The following PFKFB3 variants were observed in gnomAD, a reference collection of about 807,000 sequenced individuals.
PFKFB3 encodes 6-phosphofructo-2-kinase/fructose-2,6-bisphosphatase 3.
PFKFB3 carries 33 observed loss-of-function variants against 68.0 expected under a neutral mutation model. The ratio of observed to expected loss-of-function variants is 0.49; its 90% CI spans 0.37 to 0.65. PFKFB3 has a LOEUF of 0.65. Ranked by LOEUF, PFKFB3 falls within the 30% of genes least tolerant of loss-of-function variation. PFKFB3 has a pLI of 0.00. For synonymous variants in PFKFB3, 315 were observed against 288.2 expected (o/e 1.09, Z -0.94); for missense variants, 586 against 712.2 (o/e 0.82, Z 2.02).
At chr10:6,276,844 G>GTGTGTGTA in the PFKFB3 span, among the ~76,000 whole-genome samples, 9,165 of 146,238 alleles carry the variant, frequency 0.063, 385 homozygotes, top group Non-Finnish European at 0.094. Flanking sequence ...GTATTTGTGT[G>GTGTGTGTA]TGTGTGTGTG....
At chr10:6,252,558 A>G (rs1846405041) in intron 14 of PFKFB3, among the ~76,000 whole-genome samples, 1 of 152,236 alleles carries the variant, frequency 6.6e-6, no homozygotes, top group Non-Finnish European at 1.5e-5. Flanking sequence ...GAAGAATGAG[A>G]TATATATAAT....
chr10:6,165,421 T>C (rs2131727207), intron 1 of PFKFB3, among the ~76,000 whole-genome samples: 1 of 152,202 alleles, frequency 6.6e-6, no homozygotes, highest in East Asian at 1.9e-4. Context: ...CTTTTCTGCA[T>C]AGACACAGTA....
rs747732386 is a variant in PFKFB3, at chr10:6,246,714, C to T, written c.1516-7464C>T. Among the ~76,000 whole-genome samples, 17 of 152,188 alleles carry T rather than the reference C, an allele frequency of 1.1e-4. No individual in the cohort carries two copies. In the East Asian group the frequency reaches 1.9e-3, roughly 17 times the overall value. ...GGAGGGGAGATGTGCAGGTTTGTTA[C>T]GTGGGTATATTGCATGATGCTGAAG... On this transcript the variant is annotated intron_variant, in intron 14 of 14. Coordinates refer to the PFKFB3 transcript ENST00000640683.
At chr10:6,183,170 G>T (rs146496951) in intron 1 of PFKFB3, among the ~76,000 whole-genome samples, 6 of 152,306 alleles carry the variant, frequency 3.9e-5, no homozygotes, top group Non-Finnish European at 8.8e-5. Context: ...TCTTTCAGAA[G>T]ATCACCCAGT....
chr10:6,189,053 A>C (rs1842956790), intron 1 of PFKFB3, among the ~76,000 whole-genome samples: 1 of 152,046 alleles, frequency 6.6e-6, no homozygotes, highest in South Asian at 2.1e-4. Context: ...GTTAGCCAGG[A>C]TGGTCTCGAT....
chr10:6,210,348 T>G (rs1356491085), intron 1 of PFKFB3, among the ~76,000 whole-genome samples: 2 of 29,572 alleles, frequency 6.8e-5, no homozygotes, highest in South Asian at 3.7e-3. Flanking sequence ...TTTTTTTTGT[T>G]TTTTTTTGTT....
At chr10:6,291,280 T>C in the PFKFB3 span, among the ~76,000 whole-genome samples, 76,174 of 151,848 alleles carry the variant, frequency 0.5, 21,366 homozygotes, top group Non-Finnish European at 0.65. Flanking sequence ...GTTTATCTTG[T>C]TCAGGCTGGG....
At chr10:6,200,874 G>A (rs114077194), upstream of PFKFB3, among the ~76,000 whole-genome samples, 1,647 of 152,310 alleles carry the variant, frequency 0.011, 35 homozygotes, top group African/African-American at 0.037. Flanking sequence ...AGAGCTGACC[G>A]CTGTCAGATG....
At chr10:6,200,460 TA>T (rs762916689), upstream of PFKFB3, among the ~76,000 whole-genome samples, 240 of 152,110 alleles carry the variant, frequency 1.6e-3, 2 homozygotes, top group Non-Finnish European at 2.3e-3. Context: ...ACCAGTAAAT[TA>T]CCAGAATACA....
At chr10:6,186,727 G>T (rs1029108318) in intron 1 of PFKFB3, among the ~76,000 whole-genome samples, 1 of 152,106 alleles carries the variant, frequency 6.6e-6, no homozygotes, top group Non-Finnish European at 1.5e-5. Context: ...CAAACTCCTG[G>T]TCTCAAGCCA....
chr10:6,183,615 AT>A (rs55802262), intron 1 of PFKFB3, among the ~76,000 whole-genome samples: 3,011 of 86,544 alleles, frequency 0.035, 67 homozygotes, highest in African/African-American at 0.077. Flanking sequence ...AAAAAAAAAA[AT>A]ATATATATAT....
At chr10:6,309,828 C>T in the PFKFB3 span, among the ~76,000 whole-genome samples, 1 of 152,058 alleles carries the variant, frequency 6.6e-6, no homozygotes, top group African/African-American at 2.4e-5. Context: ...GTGATGGGTA[C>T]ACCAGCTCAT....
intron 13 of PFKFB3, chr10:6,224,673 A>G (rs537362454): frequency 4.2e-5 from 14 of 335,644 alleles, no homozygotes; most frequent in Admixed American, 2.6e-4. Context: ...TTTTTTAGAT[A>G]ATGGGGTCTC....
At chr10:6,285,241 C>CT in the PFKFB3 span, among the ~76,000 whole-genome samples, 11 of 136,316 alleles carry the variant, frequency 8.1e-5, no homozygotes, top group Admixed American at 5.8e-4. Flanking sequence ...TTTTTTTTGT[C>CT]TTTTTTTTTG....
At position 6,217,001 on chromosome 10, in the gene PFKFB3, G is replaced by A; in HGVS notation, c.442-134G>A. The A allele has an allele frequency of 4.3e-6, 4 of 940,966 alleles. No individual in the cohort carries two copies. The South Asian group carries it at 4.3e-5, about 10-fold the overall frequency. The allele number at this position is 940,966 out of a possible 1,614,324, so 58.3% of individuals were successfully genotyped here. A position where few individuals can be genotyped will look rare whatever the true frequency, so the allele number is the denominator to read the frequency against. ...GGGGCGTTCCAGAGGCTGCAGTGAG[G>A]AGGTGGGCTTTCCTGTGTTTGGGAG... is the stretch of plus-strand genomic sequence containing the variant. On this transcript the variant is annotated intron_variant, in intron 5 of 14. Transcript: ENST00000379775.
At chr10:6,177,385 T>TTTCTTTCTTTCTTTCTTTCTTTCTTTC (rs1564599480) in intron 1 of PFKFB3, among the ~76,000 whole-genome samples, 116 of 113,272 alleles carry the variant, frequency 1.0e-3, no homozygotes, top group South Asian at 2.2e-3. Context: ...TCTTTCTTTC[T>TTTCTTTCTTTCTTTCTTTCTTTCTTTC]TTCTTTCTTT....
chr10:6,259,414 C>T (rs573374509), downstream of PFKFB3, among the ~76,000 whole-genome samples: 97 of 152,004 alleles, frequency 6.4e-4, no homozygotes, highest in African/African-American at 2.3e-3. Context: ...ATCCACCCAT[C>T]CATCTACTCA....
chr10:6,230,981 G>T (rs1468240154), intron 14 of PFKFB3, among the ~76,000 whole-genome samples: 5 of 152,066 alleles, frequency 3.3e-5, no homozygotes, highest in Non-Finnish European at 5.9e-5. Flanking sequence ...CTCCCAAAGT[G>T]CTGGGATTAC....
chr10:6,153,852 TA>T (rs1020572720), intron 1 of PFKFB3, among the ~76,000 whole-genome samples: 148 of 142,224 alleles, frequency 1.0e-3, no homozygotes, highest in Non-Finnish European at 1.1e-3. Context: ...AGACTCCATC[TA>T]AAAAAAAAAA....
Sources: gnomAD v4.1 joint callset for allele counts (sites outside exome capture counted in the v4.1 genomes callset) on GRCh38, gnomAD v4.1.1 for gene constraint, MANE v1.5 for transcripts, NCBI Gene and HGNC (gene_info 2026-07-23, HGNC 2026-07-21) for gene names.